Variants in SEPHS1 observed in about 807,000 individuals in gnomAD.
The protein encoded by SEPHS1 is zincore component SEPHS1.
In SEPHS1, 7 loss-of-function variants were observed where a neutral mutation model predicts 39.2. That is an observed-to-expected ratio of 0.18 (90% confidence interval 0.10 to 0.34). The LOEUF (loss-of-function observed/expected upper bound fraction) is 0.34. Ranked by LOEUF, SEPHS1 falls within the 10% of genes least tolerant of loss-of-function variation. SEPHS1 has a pLI of 1.00. For missense variants in SEPHS1, 253 were observed against 514.5 expected (o/e 0.49, Z 4.92); for synonymous variants, 190 against 195.5 (o/e 0.97, Z 0.23).
intron 2 of SEPHS1, among the ~76,000 whole-genome samples, chr10:13,342,214 C>T (rs928765410): frequency 2.0e-5 from 3 of 149,986 alleles, no homozygotes; most frequent in Admixed American, 6.7e-5. Context: ...TTGCAATGAG[C>T]GGAGATCGCG....
At chr10:13,330,121 A>T (rs1008944723) in intron 5 of SEPHS1, among the ~76,000 whole-genome samples, 1 of 152,128 alleles carries the variant, frequency 6.6e-6, no homozygotes, top group Admixed American at 6.6e-5. Flanking sequence ...AATAATATAC[A>T]TATTTTTAAA....
chr10:13,339,591 C>G (rs1444640542), intron 2 of SEPHS1, among the ~76,000 whole-genome samples: 1 of 151,926 alleles, frequency 6.6e-6, no homozygotes, highest in African/African-American at 2.4e-5. Flanking sequence ...GGACACTCTT[C>G]TGTCCTCTTA....
At chr10:13,346,643 G>A (rs1177382043) in intron 1 of SEPHS1, among the ~76,000 whole-genome samples, 2 of 90,984 alleles carry the variant, frequency 2.2e-5, no homozygotes, top group Non-Finnish European at 4.3e-5. Context: ...TGACTTGGAA[G>A]GCGTTTTCAA....
At chr10:13,340,177 T>A (rs559644585) in intron 2 of SEPHS1, among the ~76,000 whole-genome samples, 79 of 151,730 alleles carry the variant, frequency 5.2e-4, no homozygotes, top group Admixed American at 9.9e-4. Context: ...CAGAGGCGGG[T>A]CATGGAGGCA....
At chr10:13,321,253 C>CT (rs35387458) in intron 8 of SEPHS1, among the ~76,000 whole-genome samples, 70,355 of 148,590 alleles carry the variant, frequency 0.47, 17,233 homozygotes, top group African/African-American at 0.62. Flanking sequence ...GTGTATTTTT[C>CT]TTTTTTTTTT....
At chr10:13,321,928 TA>T (rs1261392869) in intron 8 of SEPHS1, 1 of 337,926 alleles carries the variant, frequency 3.0e-6, no homozygotes, top group African/African-American at 2.3e-5. Context: ...ATAAGGGATA[TA>T]AAAGCTCCCT....
intron 7 of SEPHS1, among the ~76,000 whole-genome samples, chr10:13,326,785 C>T (rs1444968800): frequency 5.3e-5 from 8 of 152,266 alleles, no homozygotes; most frequent in African/African-American, 1.9e-4. Context: ...CCTCCTGCCT[C>T]AACCTCCCAA....
intron 7 of SEPHS1, among the ~76,000 whole-genome samples, chr10:13,327,472 G>A (rs1297518776): frequency 2.0e-5 from 3 of 152,010 alleles, no homozygotes; most frequent in Admixed American, 6.6e-5. Context: ...TTGGGTGGAG[G>A]GACTATGGAC....
At chr10:13,321,844 C>T (rs1216110851) in intron 8 of SEPHS1, among the ~76,000 whole-genome samples, 6 of 152,096 alleles carry the variant, frequency 3.9e-5, no homozygotes, top group Admixed American at 6.6e-5. Context: ...AAGAGGAGGA[C>T]GTCCCACAAG....
At chr10:13,322,736 AAC>A in intron 8 of SEPHS1, 97 bp downstream of exon 8, 1 of 1,150,444 alleles carries the variant, frequency 8.7e-7, no homozygotes. Flanking sequence ...ATGGAACTCG[AAC>A]AGAGTGGGGG....
intron 5 of SEPHS1, among the ~76,000 whole-genome samples, chr10:13,333,306 T>C (rs1833523760): frequency 1.3e-5 from 2 of 150,544 alleles, no homozygotes; most frequent in Admixed American, 6.6e-5. Flanking sequence ...GCTAATTGTG[T>C]ATTTTTAGTA....
chr10:13,331,758 A>G (rs781503746), intron 5 of SEPHS1, among the ~76,000 whole-genome samples: 14 of 152,270 alleles, frequency 9.2e-5, no homozygotes, highest in Non-Finnish European at 2.1e-4. Flanking sequence ...TTCTCCAAAG[A>G]AGATACACAA....
intron 8 of SEPHS1, chr10:13,322,074 A>C (rs1171760277): frequency 2.2e-6 from 1 of 455,628 alleles, no homozygotes; most frequent in East Asian, 6.9e-5. Flanking sequence ...ATCTAAGAAA[A>C]AAGAAAAATG....
At chr10:13,331,069 G>T (rs1833452852) in intron 5 of SEPHS1, among the ~76,000 whole-genome samples, 1 of 152,126 alleles carries the variant, frequency 6.6e-6, no homozygotes, top group African/African-American at 2.4e-5. Context: ...CCACCTATGA[G>T]TGAGAACATG....
intron 1 of SEPHS1, among the ~76,000 whole-genome samples, chr10:13,347,659 G>A (rs894634795): frequency 6.8e-6 from 1 of 146,798 alleles, no homozygotes; most frequent in East Asian, 2.0e-4. Flanking sequence ...CCCGCCGCGC[G>A]CACGGGCCGC....
chr10:13,342,703 A>G (rs757776564), intron 2 of SEPHS1, among the ~76,000 whole-genome samples: 13 of 152,142 alleles, frequency 8.5e-5, no homozygotes, highest in Admixed American at 2.0e-4. Context: ...TGGCACACCT[A>G]CACACATTTT....
chr10:13,327,389 A>G (rs1833335798), intron 7 of SEPHS1, among the ~76,000 whole-genome samples: 1 of 152,172 alleles, frequency 6.6e-6, no homozygotes, highest in Non-Finnish European at 1.5e-5. Context: ...CTTTAAAACA[A>G]CAATAGTAAA....
chr10:13,341,845 G>A (rs1833793852), intron 2 of SEPHS1, among the ~76,000 whole-genome samples: 3 of 151,918 alleles, frequency 2.0e-5, no homozygotes, highest in Admixed American at 6.6e-5. Context: ...TGTCATTCCA[G>A]CTACTTGGAG....
intron 2 of SEPHS1, among the ~76,000 whole-genome samples, chr10:13,339,776 G>A (rs1171527566): frequency 1.3e-5 from 2 of 152,116 alleles, no homozygotes; most frequent in Non-Finnish European, 2.9e-5. Context: ...CACCCAATAC[G>A]ATGTGAATGC....
Sources: allele counts gnomAD v4.1 joint callset (sites outside exome capture counted in the v4.1 genomes callset), GRCh38; gene constraint gnomAD v4.1.1; transcripts MANE v1.5; gene names NCBI Gene and HGNC (gene_info 2026-07-23, HGNC 2026-07-21).